The following QTMAN variants were observed in gnomAD, a reference collection of about 807,000 sequenced individuals.
The protein encoded by QTMAN is tRNA-queuosine alpha-mannosyltransferase.
the QTMAN span, among the ~76,000 whole-genome samples, chr2:143,998,062 T>C: frequency 3.3e-4 from 50 of 152,192 alleles, no homozygotes; most frequent in African/African-American, 1.1e-3. Flanking sequence ...ATCAGTATTC[T>C]TCCCTCCCTG....
chr2:144,154,287 CA>C, the QTMAN span, among the ~76,000 whole-genome samples: 1 of 152,214 alleles, frequency 6.6e-6, no homozygotes, highest in South Asian at 2.1e-4. Context: ...CTCTAGGAAG[CA>C]TCCTAAATAA....
At chr2:144,070,896 G>A in the QTMAN span, among the ~76,000 whole-genome samples, 1 of 152,138 alleles carries the variant, frequency 6.6e-6, no homozygotes, top group South Asian at 2.1e-4. Context: ...AACTGTATTA[G>A]TGAGTAAACC....
the QTMAN span, among the ~76,000 whole-genome samples, chr2:144,007,699 G>T: frequency 6.6e-6 from 1 of 152,068 alleles, no homozygotes; most frequent in Non-Finnish European, 1.5e-5. Context: ...GCCACTAAGA[G>T]AAGTTCAAAA....
the QTMAN span, chr2:143,957,406 G>T: frequency 2.1e-6 from 2 of 961,578 alleles, no homozygotes; most frequent in Non-Finnish European, 2.9e-6. Context: ...GATGTCAGCA[G>T]TGTCTCATCT....
the QTMAN span, among the ~76,000 whole-genome samples, chr2:144,133,354 A>C: frequency 2.6e-5 from 1 of 38,980 alleles, no homozygotes; most frequent in Non-Finnish European, 4.8e-5. Flanking sequence ...TTATATATGT[A>C]TATATATAAT....
the QTMAN span, among the ~76,000 whole-genome samples, chr2:144,277,603 G>A: frequency 6.6e-6 from 1 of 152,020 alleles, no homozygotes; most frequent in South Asian, 2.1e-4. Context: ...AAACACAACA[G>A]GATCTATTTA....
chr2:144,229,791 C>T, the QTMAN span, among the ~76,000 whole-genome samples: 11 of 152,086 alleles, frequency 7.2e-5, no homozygotes, highest in African/African-American at 1.7e-4. Context: ...TAAATTGTCA[C>T]GAAGGTAAGT....
At chr2:144,145,638 A>T in the QTMAN span, 1 of 1,611,308 alleles carries the variant, frequency 6.2e-7, no homozygotes, top group Non-Finnish European at 8.5e-7. Context: ...AGGATATATC[A>T]ACTGGTTCTC....
At chr2:144,074,801 T>C in the QTMAN span, among the ~76,000 whole-genome samples, 3 of 152,240 alleles carry the variant, frequency 2.0e-5, no homozygotes, top group Admixed American at 6.5e-5. Flanking sequence ...TTAGTAATGT[T>C]CTCCAAAAAT....
the QTMAN span, among the ~76,000 whole-genome samples, chr2:143,972,221 C>T: frequency 7.0e-3 from 1,071 of 152,206 alleles, 9 homozygotes; most frequent in Non-Finnish European, 0.01. Context: ...CCATCTTCAA[C>T]CATATCAATC....
At chr2:144,010,079 GA>G in the QTMAN span, among the ~76,000 whole-genome samples, 860 of 130,464 alleles carry the variant, frequency 6.6e-3, 14 homozygotes, top group South Asian at 0.038. Flanking sequence ...AAAAAAAAAA[GA>G]AAAAAAAAAT....
chr2:144,217,346 G>A, the QTMAN span, among the ~76,000 whole-genome samples: 1 of 151,750 alleles, frequency 6.6e-6, no homozygotes, highest in South Asian at 2.1e-4. Context: ...TGCAGGCACA[G>A]GATACAATAT....
the QTMAN span, among the ~76,000 whole-genome samples, chr2:144,314,707 C>T: frequency 1.3e-5 from 2 of 151,978 alleles, no homozygotes; most frequent in Middle Eastern, 3.2e-3. Context: ...AGTAAGACTC[C>T]GTCTCAAATA....
the QTMAN span, among the ~76,000 whole-genome samples, chr2:144,213,093 A>G: frequency 6.6e-6 from 1 of 152,218 alleles, no homozygotes; most frequent in African/African-American, 2.4e-5. Context: ...AAAAATCACC[A>G]TTAGCATCAT....
At chr2:144,174,474 A>G in the QTMAN span, among the ~76,000 whole-genome samples, 623 of 152,236 alleles carry the variant, frequency 4.1e-3, 6 homozygotes, top group African/African-American at 0.014. Context: ...TCAGATGAAA[A>G]TGTAAATTCA....
the QTMAN span, among the ~76,000 whole-genome samples, chr2:144,105,391 G>C: frequency 1.1e-3 from 161 of 152,290 alleles, 1 homozygote; most frequent in Non-Finnish European, 1.3e-3. Context: ...AGAATAACCA[G>C]TGTAGAGAAG....
the QTMAN span, among the ~76,000 whole-genome samples, chr2:144,286,905 GTAA>G: frequency 6.6e-6 from 1 of 152,184 alleles, no homozygotes; most frequent in Non-Finnish European, 1.5e-5. Context: ...AGCTTCACAT[GTAA>G]TTTCTAATCA....
the QTMAN span, among the ~76,000 whole-genome samples, chr2:144,137,028 G>C: frequency 8.5e-5 from 13 of 152,108 alleles, no homozygotes; most frequent in African/African-American, 3.1e-4. Context: ...TAAAAAGATA[G>C]CTTAATAACA....
chr2:143,969,951 T>C, the QTMAN span, among the ~76,000 whole-genome samples: 1 of 152,214 alleles, frequency 6.6e-6, no homozygotes, highest in Admixed American at 6.5e-5. Flanking sequence ...TGAAATATTG[T>C]TGCTTGTACA....
Sources: allele counts gnomAD v4.1 joint callset (sites outside exome capture counted in the v4.1 genomes callset), GRCh38; gene constraint gnomAD v4.1.1; transcripts MANE v1.5; gene names NCBI Gene and HGNC (gene_info 2026-07-23, HGNC 2026-07-21).